The following MCC variants were observed in gnomAD, a reference collection of about 807,000 sequenced individuals.
MCC encodes the protein MCC regulator of Wnt signaling pathway, also known as colorectal mutant cancer protein.
In MCC, 90 loss-of-function variants were observed where a neutral mutation model predicts 116.2. The observed-to-expected ratio is 0.77, with a 90% confidence interval of 0.65 to 0.92. The LOEUF is 0.92. Ranked by LOEUF, MCC falls within the 40% of genes least tolerant of loss-of-function variation. The pLI, the probability that MCC is intolerant of heterozygous loss-of-function variation, is 0.00. For missense variants in MCC, 1,516 were observed against 1,312.2 expected (o/e 1.16, Z -2.40); for synonymous variants, 578 against 510.5 (o/e 1.13, Z -1.78).
chr5:113,079,935 T>C (rs1017985955), intron 11 of MCC, among the ~76,000 whole-genome samples: 7 of 152,156 alleles, frequency 4.6e-5, no homozygotes, highest in African/African-American at 1.7e-4. Context: ...ATCCAGAATC[T>C]ATAAACAAAC....
chr5:113,080,521 G>A (rs1306039517), intron 11 of MCC, among the ~76,000 whole-genome samples: 1 of 152,084 alleles, frequency 6.6e-6, no homozygotes, highest in Non-Finnish European at 1.5e-5. Flanking sequence ...GATGAAGCTG[G>A]AAACCATCAT....
chr5:113,063,057 G>A lies in MCC; in HGVS notation c.2213+927C>T, dbSNP rs992679963. On this transcript the variant is annotated intron_variant, in intron 14 of 18. Coordinates refer to ENST00000408903, the MANE Select transcript of MCC (RefSeq NM_001085377.2). ...GCTAAGATCCCGGGTTCCCATCCAG[G>A]TTTCCCTCTTATCACCAGGCAGGTC... Among the ~76,000 whole-genome samples the A allele has an allele frequency of 1.5e-4, 23 of 152,176 alleles. 1 individual carries two copies. The highest frequency in any genetic ancestry group is 1.3e-3 in the Admixed American group (20 of 15,280).
chr5:113,440,222 A>G (rs1208128947), intron 1 of MCC, among the ~76,000 whole-genome samples: 1 of 152,220 alleles, frequency 6.6e-6, no homozygotes, highest in African/African-American at 2.4e-5. Context: ...TTAAAGATCA[A>G]TCAGGATATT....
Position 113,114,710 on chromosome 5 carries a change from G to A in MCC, c.1027+7974C>T, listed in dbSNP as rs192657469. Among the ~76,000 whole-genome samples the A allele has an allele frequency of 1.2e-3, 176 of 152,284 alleles. 1 individual carries two copies. Among genetic ancestry groups the A allele is most frequent in the African/African-American group, 3.9e-3 (161 of 41,548 alleles). On this transcript the variant is annotated intron_variant, in intron 6 of 18. Transcript: ENST00000408903. ...GAGAGCAGCAGCTTGACTTCAGAGC[G>A]ATGGCTTGACACCGTTGCTTCGGAG...
intron 3 of MCC, among the ~76,000 whole-genome samples, chr5:113,315,855 G>C (rs958385361): frequency 7.2e-5 from 11 of 152,064 alleles, no homozygotes; most frequent in Non-Finnish European, 1.5e-4. Flanking sequence ...TCCAGCCCGG[G>C]TGACAGAGTG....
At chr5:113,346,633 C>A (rs67583531) in intron 2 of MCC, among the ~76,000 whole-genome samples, 918 of 89,552 alleles carry the variant, frequency 0.01, 8 homozygotes, top group African/African-American at 0.012. Flanking sequence ...ACAACAACAA[C>A]AAAAAAAACA....
intron 3 of MCC, among the ~76,000 whole-genome samples, chr5:113,290,491 A>G (rs557137596): frequency 2.0e-5 from 3 of 152,358 alleles, no homozygotes; most frequent in African/African-American, 7.2e-5. Context: ...TTGTACATAA[A>G]TAGGCAACTG....
At chr5:113,207,373 T>C in intron 3 of MCC, among the ~76,000 whole-genome samples, 1 of 140,782 alleles carries the variant, frequency 7.1e-6, no homozygotes, top group East Asian at 2.1e-4. Context: ...CTATTTTTAT[T>C]AGCATTAATA....
At chr5:113,113,397 G>C (rs1757210506) in intron 6 of MCC, among the ~76,000 whole-genome samples, 1 of 152,076 alleles carries the variant, frequency 6.6e-6, no homozygotes, top group African/African-American at 2.4e-5. Flanking sequence ...TTAGAAAACA[G>C]AATAGTCAAC....
At chr5:113,304,936 C>G (rs2150366126) in intron 3 of MCC, among the ~76,000 whole-genome samples, 1 of 151,874 alleles carries the variant, frequency 6.6e-6, no homozygotes, top group South Asian at 2.1e-4. Flanking sequence ...ATTTCTGGAG[C>G]TGTTTGGGCT....
intron 3 of MCC, among the ~76,000 whole-genome samples, chr5:113,218,474 G>C (rs1275059766): frequency 1.3e-5 from 2 of 152,022 alleles, no homozygotes; most frequent in East Asian, 1.9e-4. Context: ...GCAGAAGGTG[G>C]GTCAGAATAA....
intron 3 of MCC, among the ~76,000 whole-genome samples, chr5:113,177,659 G>T (rs1761405388): frequency 6.6e-6 from 1 of 152,088 alleles, no homozygotes; most frequent in African/African-American, 2.4e-5. Context: ...AAACAAAATT[G>T]TTATAGCAAT....
At chr5:113,472,573 T>G (rs963570246) in intron 1 of MCC, among the ~76,000 whole-genome samples, 1 of 152,230 alleles carries the variant, frequency 6.6e-6, no homozygotes, top group Non-Finnish European at 1.5e-5. Flanking sequence ...TTAATATTCT[T>G]AAATTTGTTC....
intron 2 of MCC, among the ~76,000 whole-genome samples, chr5:113,343,178 A>T (rs148874195): frequency 3.5e-4 from 54 of 152,310 alleles, no homozygotes; most frequent in Non-Finnish European, 4.7e-4. Context: ...AATCAATGTG[A>T]ATAGGAAAAC....
intron 3 of MCC, among the ~76,000 whole-genome samples, chr5:113,280,608 C>T (rs2150356981): frequency 6.6e-6 from 1 of 152,132 alleles, no homozygotes; most frequent in Middle Eastern, 3.4e-3. Context: ...GAGAAGGTGA[C>T]ATGTTGAGTC....
At chr5:113,170,468 T>C (rs1057355108) in intron 3 of MCC, among the ~76,000 whole-genome samples, 1 of 152,144 alleles carries the variant, frequency 6.6e-6, no homozygotes, top group Non-Finnish European at 1.5e-5. Context: ...TGTGGCGTCA[T>C]TAAAGTCCCA....
intron 5 of MCC, among the ~76,000 whole-genome samples, chr5:113,129,754 T>G (rs1758314994): frequency 6.6e-6 from 1 of 152,198 alleles, no homozygotes; most frequent in Non-Finnish European, 1.5e-5. Flanking sequence ...TCACTGGTCA[T>G]TAAAGAAATG....
At chr5:113,081,726 C>G (rs62374681) in intron 11 of MCC, among the ~76,000 whole-genome samples, 8,088 of 152,094 alleles carry the variant, frequency 0.053, 395 homozygotes, top group African/African-American at 0.13. Context: ...CTTAAGTATT[C>G]TGGATTTAAT....
chr5:113,392,872 T>A lies in MCC; in HGVS notation c.171-7660A>T, dbSNP rs578041084. 1.1e-4 allele frequency among the ~76,000 whole-genome samples: 16 copies of A among 152,206 alleles called. No homozygotes were observed. The South Asian group carries it at 3.3e-3, about 32-fold the overall frequency. On this transcript the variant is annotated intron_variant, in intron 1 of 18. Transcript: ENST00000408903. Reference sequence around the variant, plus strand: ...TGCCTATCAACAGAAAATACGTATATATACAAATTGATGTGGCATCACATA... The same window carrying A: ...TGCCTATCAACAGAAAATACGTATAAATACAAATTGATGTGGCATCACATA...
Sources: allele counts gnomAD v4.1 joint callset (sites outside exome capture counted in the v4.1 genomes callset), GRCh38; gene constraint gnomAD v4.1.1; transcripts MANE v1.5; gene names NCBI Gene and HGNC (gene_info 2026-07-23, HGNC 2026-07-21).